ARHGAP39: variants seen among roughly 807,000 people sequenced by gnomAD.
The protein encoded by ARHGAP39 is rho GTPase-activating protein 39.
A neutral mutation model predicts 106.9 loss-of-function variants in ARHGAP39; 44 were observed. The observed-to-expected ratio is 0.41, with a 90% confidence interval of 0.32 to 0.53. The LOEUF is 0.53. Ranked by LOEUF, ARHGAP39 falls within the 20% of genes least tolerant of loss-of-function variation. ARHGAP39 has a pLI of 0.21. For missense variants in ARHGAP39, 1,496 were observed against 1,577.3 expected, an observed-to-expected ratio of 0.95 and a Z score of 0.87; for synonymous variants, 768 against 693.2, an observed-to-expected ratio of 1.11 and a Z score of -1.69.
At chr8:144,577,994 T>TTTG (rs1332869642) in intron 3 of ARHGAP39, among the ~76,000 whole-genome samples, 1 of 152,226 alleles carries the variant, frequency 6.6e-6, no homozygotes, top group African/African-American at 2.4e-5. Flanking sequence ...AAGCTTTTTT[T>TTTG]TTGTTGTTGT....
At chr8:144,601,419 G>GGCGT (rs981109960) in intron 2 of ARHGAP39, among the ~76,000 whole-genome samples, 1 of 115,348 alleles carries the variant, frequency 8.7e-6, no homozygotes, top group Non-Finnish European at 1.8e-5. Context: ...CGTGCATGGA[G>GGCGT]GCGTGCGTGC....
chr8:144,626,993 C>G (rs1053785358), intron 1 of ARHGAP39, among the ~76,000 whole-genome samples: 3 of 152,210 alleles, frequency 2.0e-5, no homozygotes, highest in Non-Finnish European at 4.4e-5. Flanking sequence ...TTTGTCCCCC[C>G]TGGGGAGAGG....
chr8:144,585,353 G>A lies in ARHGAP39; in HGVS notation c.81-4076C>T, dbSNP rs558855440. 1.5e-4 allele frequency among the ~76,000 whole-genome samples: 23 copies of A among 150,084 alleles called. No individual in the cohort carries two copies. Among genetic ancestry groups the A allele is most frequent in the African/African-American group, 3.9e-4 (16 of 40,680 alleles). ...CAGGGGTTCCCAGCACCAGCTCACC[G>A]AGAACCTGGAGGGGCCAGCCAAGGG... On this transcript the variant is annotated intron_variant, in intron 2 of 11. Transcript: ENST00000377307. The surrounding 1 kb of genome is among the most constrained non-coding windows in gnomAD (Gnocchi z 4.6).
At chr8:144,633,831 A>T (rs780961916) in intron 1 of ARHGAP39, among the ~76,000 whole-genome samples, 1 of 152,236 alleles carries the variant, frequency 6.6e-6, no homozygotes, top group East Asian at 1.9e-4. Context: ...GCGTACCACC[A>T]TGCCTGGTGA....
rs972213152 is a variant in ARHGAP39 at position 144,586,657 on chromosome 8, C to T, written c.81-5380G>A. Among the ~76,000 whole-genome samples the T allele has an allele frequency of 1.3e-5, 2 of 152,192 alleles. No homozygotes were observed. The highest frequency in any genetic ancestry group is 4.8e-5 in the African/African-American group (2 of 41,452). On this transcript the variant is annotated intron_variant, in intron 2 of 11. Transcript: ENST00000377307. This position sits in a 1 kb window ranked among gnomAD's most constrained non-coding sequence, Gnocchi z 4.2. ...GCCAGAAAACTGGCTGATGCAGGTA[C>T]CACACCCACTTCCAGGCACCGGGTC...
chr8:144,669,506 C>CAAAAAAAAAAAAAA (rs55678140), intron 1 of ARHGAP39, among the ~76,000 whole-genome samples: 29 of 59,732 alleles, frequency 4.9e-4, no homozygotes, highest in African/African-American at 1.8e-3. Flanking sequence ...GACTCGGTCT[C>CAAAAAAAAAAAAAA]AAAAAAAAAA....
chr8:144,597,506 A>C (rs1251695423), intron 2 of ARHGAP39, among the ~76,000 whole-genome samples: 1 of 152,230 alleles, frequency 6.6e-6, no homozygotes, highest in Non-Finnish European at 1.5e-5. Flanking sequence ...GAACCCCAGC[A>C]CACTGAGGCG....
At chr8:144,678,379 G>A (rs1158823522) in intron 1 of ARHGAP39, among the ~76,000 whole-genome samples, 1 of 152,182 alleles carries the variant, frequency 6.6e-6, no homozygotes, top group Non-Finnish European at 1.5e-5. Context: ...ACCACCTAGA[G>A]CACTACGAGA....
chr8:144,549,571 T>A (rs1334628853), intron 4 of ARHGAP39, among the ~76,000 whole-genome samples: 1 of 152,150 alleles, frequency 6.6e-6, no homozygotes, highest in Non-Finnish European at 1.5e-5. Context: ...TGCCTCACTG[T>A]AACCTCTGCC....
rs552357594 is a variant in ARHGAP39, at chr8:144,530,299, G to A, written c.*123C>T. 2 of 1,084,788 alleles carry A rather than the reference G, an allele frequency of 1.8e-6. No individual in the cohort carries two copies. The highest frequency in any genetic ancestry group is 1.6e-5 in the African/African-American group (1 of 63,510). 67.2% of individuals were successfully genotyped at this position (1,084,788 alleles called of 1,614,324 possible). A position where few individuals can be genotyped will look rare whatever the true frequency, so the allele number is the denominator to read the frequency against. On this transcript the variant is annotated 3_prime_UTR_variant, in exon 12 of 12. Coordinates refer to ENST00000377307, the MANE Select transcript of ARHGAP39 (RefSeq NM_025251.3). ...TGGGGAGCGCCGGGGCCAGGGGCCTGGGGGAGTGGAGGGGGCTCCAGGGCT... is the reference window on the plus strand; with the variant it reads ...TGGGGAGCGCCGGGGCCAGGGGCCTAGGGGAGTGGAGGGGGCTCCAGGGCT...
At chr8:144,606,997 C>T (rs1039695845) in intron 1 of ARHGAP39, among the ~76,000 whole-genome samples, 2 of 69,062 alleles carry the variant, frequency 2.9e-5, no homozygotes, top group Admixed American at 1.5e-4. Context: ...AACTATTAAG[C>T]AAAAAAAAAA....
intron 2 of ARHGAP39, among the ~76,000 whole-genome samples, chr8:144,582,935 C>G (rs980583748): frequency 6.6e-6 from 1 of 152,138 alleles, no homozygotes; most frequent in African/African-American, 2.4e-5. Context: ...GCCAACAACT[C>G]CCCCCAAACA....
intron 1 of ARHGAP39, among the ~76,000 whole-genome samples, chr8:144,614,314 A>G (rs1820575323): frequency 6.7e-6 from 1 of 149,004 alleles, no homozygotes; most frequent in South Asian, 2.1e-4. Context: ...TATGAATGTT[A>G]CCTCTTGGAA....
chr8:144,558,313 GTCTC>G (rs1286538008), intron 3 of ARHGAP39, among the ~76,000 whole-genome samples: 1 of 151,872 alleles, frequency 6.6e-6, no homozygotes, highest in African/African-American at 2.4e-5. Context: ...GGGGGATGGA[GTCTC>G]TCTCTCTCAC....
intron 3 of ARHGAP39, among the ~76,000 whole-genome samples, chr8:144,564,089 A>G (rs557917452): frequency 5.4e-4 from 82 of 152,374 alleles, no homozygotes; most frequent in African/African-American, 1.7e-3. Flanking sequence ...AGCTCAAAAT[A>G]TAGATCCAGC....
At chr8:144,634,965 G>C (rs1821139925) in intron 1 of ARHGAP39, among the ~76,000 whole-genome samples, 1 of 152,248 alleles carries the variant, frequency 6.6e-6, no homozygotes. Flanking sequence ...GGTAACTTCT[G>C]TCTCTCCTTC....
chr8:144,534,980 C>G (rs189493139), intron 7 of ARHGAP39, among the ~76,000 whole-genome samples: 1 of 152,310 alleles, frequency 6.6e-6, no homozygotes, highest in Non-Finnish European at 1.5e-5. Context: ...TGCTCCAGGT[C>G]GGGAAGCAGC....
rs2130993625 is a variant in ARHGAP39 at position 144,647,266 on chromosome 8, C to G, written c.-82+38420G>C. On this transcript the variant is annotated intron_variant, in intron 1 of 11. Transcript: ENST00000377307. This position sits in a 1 kb window ranked among gnomAD's most constrained non-coding sequence, Gnocchi z 4.8. ...ACAGCCGTGAGCCACTGCGCCCGGC[C>G]TGCTCTGACCCTTCTTAAAGCTCGA... Among the ~76,000 whole-genome samples, 1 of 152,284 alleles carries G rather than the reference C, an allele frequency of 6.6e-6. No individual in the cohort carries two copies. Among genetic ancestry groups the G allele is most frequent in the South Asian group, 2.1e-4 (1 of 4,824 alleles).
At chr8:144,656,054 T>C (rs1194702414) in intron 1 of ARHGAP39, among the ~76,000 whole-genome samples, 1 of 152,182 alleles carries the variant, frequency 6.6e-6, no homozygotes, top group African/African-American at 2.4e-5. Flanking sequence ...CTTTTCTTCC[T>C]GACAAACATA....
Sources: allele counts gnomAD v4.1 joint callset (sites outside exome capture counted in the v4.1 genomes callset), GRCh38; gene constraint gnomAD v4.1.1; non-coding constraint Gnocchi (gnomAD v3.1); transcripts MANE v1.5; gene names NCBI Gene and HGNC (gene_info 2026-07-23, HGNC 2026-07-21).